The following COQ5 variants were observed in gnomAD, a reference collection of about 807,000 sequenced individuals.
The protein encoded by COQ5 is coenzyme Q5, methyltransferase, also known as 2-methoxy-6-polyprenyl-1,4-benzoquinol methylase, mitochondrial.
Under a neutral mutation model 40.5 loss-of-function variants are expected in COQ5, and 27 were observed. The ratio of observed to expected loss-of-function variants is 0.67; its 90% CI spans 0.49 to 0.92. The LOEUF (loss-of-function observed/expected upper bound fraction) is 0.92, where lower values mean the gene tolerates loss of function less well. Ranked by LOEUF, COQ5 falls within the 40% of genes least tolerant of loss-of-function variation. The pLI is 0.00. For synonymous variants in COQ5, 141 were observed against 150.0 expected, an observed-to-expected ratio of 0.94 and a Z score of 0.44; for missense variants, 409 against 406.4, an observed-to-expected ratio of 1.01 and a Z score of -0.06.
Position 120,522,348 on chromosome 12 carries a change from T to C in COQ5, c.218A>G (p.Glu73Gly), listed in dbSNP as rs150775412. 3 of 1,613,586 alleles carry C rather than the reference T, an allele frequency of 1.9e-6. No individual in the cohort carries two copies. In the African/African-American group the frequency reaches 4.0e-5, roughly 22 times the overall value. ...EKGGKVYQVFESVAKKYDVMN... is the reference protein window; with the variant it reads ...EKGGKVYQVFGSVAKKYDVMN... ...CACATCATACTTCTTAGCCACACTT[T>C]CAAACACCTGATAGACTGACATGGG... The change falls in exon 2 of 7, where the codon GAA (glutamate) becomes GGA (glycine). Residue 73 changes from glutamate to glycine, a missense_variant. Transcript: ENST00000288532.
intron 1 of COQ5, chr12:120,527,015 T>C (rs1193505955): frequency 6.6e-6 from 1 of 151,834 alleles, no homozygotes; most frequent in Non-Finnish European, 1.5e-5. Flanking sequence ...GCGCCCAGCC[T>C]ACTCTTGGCA....
At chr12:120,505,108 G>C (rs4766966) in intron 4 of COQ5, 125 bp from the exon 5 acceptor site, 235,719 of 756,794 alleles carry the variant, frequency 0.31, 38,110 homozygotes, top group East Asian at 0.51. Flanking sequence ...CCTCTTGTTT[G>C]TTCTCACTTG....
At chr12:120,524,346 T>C (rs770285722) in intron 1 of COQ5, among the ~76,000 whole-genome samples, 25 of 151,828 alleles carry the variant, frequency 1.6e-4, no homozygotes, top group Admixed American at 7.9e-4. Flanking sequence ...CTGCAAGCTC[T>C]GCCTCCCGGG....
intron 1 of COQ5, chr12:120,523,934 T>G (rs1394308893): frequency 2.4e-6 from 1 of 423,228 alleles, no homozygotes; most frequent in Non-Finnish European, 4.8e-6. Flanking sequence ...CACTGGAACC[T>G]GGAAGGTAGA....
At chr12:120,513,393 T>C (rs1565930670) in intron 3 of COQ5, among the ~76,000 whole-genome samples, 1 of 149,864 alleles carries the variant, frequency 6.7e-6, no homozygotes, top group Non-Finnish European at 1.5e-5. Context: ...TCCCAGCTGC[T>C]GCGGAGGCTG....
chr12:120,511,513 C>G (rs368218843), intron 3 of COQ5, among the ~76,000 whole-genome samples: 1 of 151,370 alleles, frequency 6.6e-6, no homozygotes, highest in African/African-American at 2.4e-5. Flanking sequence ...GAGCTGAGCA[C>G]GGTGGCATGC....
intron 3 of COQ5, among the ~76,000 whole-genome samples, chr12:120,515,040 C>A (rs138346410): frequency 2.8e-4 from 43 of 152,180 alleles, no homozygotes; most frequent in Admixed American, 1.8e-3. Flanking sequence ...GATCCACCCC[C>A]CCTCGGCCTC....
chr12:120,514,849 A>G (rs573772388), intron 3 of COQ5, among the ~76,000 whole-genome samples: 4 of 152,218 alleles, frequency 2.6e-5, no homozygotes, highest in Admixed American at 6.6e-5. Context: ...GCTGGAGTGC[A>G]ATGGCACCAT....
At chr12:120,514,179 G>A (rs1026129584) in intron 3 of COQ5, among the ~76,000 whole-genome samples, 7 of 152,136 alleles carry the variant, frequency 4.6e-5, no homozygotes, top group African/African-American at 1.2e-4. Context: ...GCGACTGTCC[G>A]CCTTCTGACC....
intron 1 of COQ5, among the ~76,000 whole-genome samples, chr12:120,526,284 G>A (rs1325691362): frequency 6.6e-6 from 1 of 152,196 alleles, no homozygotes; most frequent in Non-Finnish European, 1.5e-5. Flanking sequence ...CTGGATAAAT[G>A]AAAGAGGGAA....
chr12:120,528,826 C>G, intron 1 of COQ5, 114 bp downstream of exon 1: 1 of 987,868 alleles, frequency 1.0e-6, no homozygotes. Flanking sequence ...AAAATCATAA[C>G]TGCACAGACA....
In COQ5 at chr12:120,510,110, T is replaced by C. The variant is rs1869060485; in HGVS notation, c.588A>G (p.Val196=). 4 of 1,613,334 alleles carry C rather than the reference T, an allele frequency of 2.5e-6. No individual in the cohort carries two copies. In the African/African-American group the frequency reaches 5.3e-5, roughly 22 times the overall value. ...AGGGCAGTTCTTCAGCATCTCCTAA[T>C]ACCCATGCAAGTCCTGAAAGAGAAA... ...AQGYRAGLAW[V]LGDAEELPFD... is the part of the protein sequence containing the mutation. The change falls in exon 4 of 7, where the codon GTA becomes GTG. Residue 196 remains valine, a synonymous_variant. Coordinates refer to ENST00000288532, the MANE Select transcript of COQ5 (RefSeq NM_032314.4).
chr12:120,527,935 C>G (rs944888042), intron 1 of COQ5, among the ~76,000 whole-genome samples: 2 of 131,664 alleles, frequency 1.5e-5, no homozygotes, highest in Non-Finnish European at 3.1e-5. Context: ...TGCAGTGAGC[C>G]GAGATCGCGC....
At chr12:120,516,415 CA>C (rs1869375062) in intron 3 of COQ5, 151 bp downstream of exon 3, 1 of 756,536 alleles carries the variant, frequency 1.3e-6, no homozygotes, top group African/African-American at 1.7e-5. Flanking sequence ...TAACAGCACA[CA>C]AACTAGATTC....
rs1323512451 is a variant in COQ5, at chr12:120,503,571, C to T, written c.*213G>A. ...TTGAGCAAAGATACAGACCAAATGC[C>T]TCTGGGAGATGGACTGAAGCAGCTC... On this transcript the variant is annotated 3_prime_UTR_variant, in exon 7 of 7. Coordinates refer to ENST00000288532, the MANE Select transcript of COQ5 (RefSeq NM_032314.4). The T allele has an allele frequency of 1.5e-6, 1 of 668,626 alleles. No homozygotes were observed. Among genetic ancestry groups the T allele is most frequent in the South Asian group, 1.5e-5 (1 of 66,452 alleles). The allele number at this position is 668,626 out of a possible 1,614,324, so 41.4% of individuals were successfully genotyped here. A position where few individuals can be genotyped will look rare whatever the true frequency, so the allele number is the denominator to read the frequency against.
intron 3 of COQ5, 32 bp downstream of exon 3, chr12:120,516,535 C>A (rs376870708): frequency 6.8e-6 from 10 of 1,481,126 alleles, no homozygotes; most frequent in Non-Finnish European, 9.4e-6. Flanking sequence ...GATACAAATA[C>A]TTCCCCTGTG....
At position 120,517,308 on chromosome 12, in the gene COQ5, C is replaced by T. The variant is rs576606859; in HGVS notation, c.353-520G>A. 1.0e-3 allele frequency among the ~76,000 whole-genome samples: 158 copies of T among 151,926 alleles called. 1 individual carries two copies. The highest frequency in any genetic ancestry group is 3.2e-3 in the African/African-American group (131 of 41,442). On this transcript the variant is annotated intron_variant, in intron 2 of 6. Transcript: ENST00000288532. ...CAGATGTTGCAGTGGGCCGAGATAGCGCCATTGCACTCCAGCCTGAGTGAC... is the reference window on the plus strand; with the variant it reads ...CAGATGTTGCAGTGGGCCGAGATAGTGCCATTGCACTCCAGCCTGAGTGAC...
intron 2 of COQ5, 94 bp from the exon 3 acceptor site, chr12:120,516,882 C>T (rs1239080709): frequency 8.6e-6 from 9 of 1,051,316 alleles, no homozygotes; most frequent in Admixed American, 1.7e-5. Context: ...GTAACAGAGG[C>T]ACAGGAGTAC....
intron 4 of COQ5, chr12:120,509,816 T>A (rs1171991715): frequency 3.4e-6 from 2 of 595,616 alleles, no homozygotes; most frequent in East Asian, 6.1e-5. Flanking sequence ...GGTGGGTTCC[T>A]GTAAGGTTCC....
Sources: gnomAD v4.1 joint callset for allele counts (sites outside exome capture counted in the v4.1 genomes callset) on GRCh38, gnomAD v4.1.1 for gene constraint, MANE v1.5 for transcripts, NCBI Gene and HGNC (gene_info 2026-07-23, HGNC 2026-07-21) for gene names.